Variants in FBN2 observed in about 807,000 individuals in gnomAD.
FBN2 encodes fibrillin 2.
A neutral mutation model predicts 355.6 loss-of-function variants in FBN2; 105 were observed. That is an observed-to-expected ratio of 0.30 (90% CI 0.25 to 0.35). FBN2 has a LOEUF of 0.35. Among genes scored for constraint, FBN2 ranks in the 10% least tolerant of loss-of-function variants. The pLI, the probability that FBN2 is intolerant of heterozygous loss-of-function variation, is 1.00. For synonymous variants in FBN2, 1,350 were observed against 1,301.2 expected, an observed-to-expected ratio of 1.04 and a Z score of -0.81; for missense variants, 3,280 against 3,758.7, an observed-to-expected ratio of 0.87 and a Z score of 3.33.
At chr5:128,291,322 T>G (rs910037077) in intron 49 of FBN2, among the ~76,000 whole-genome samples, 2 of 152,164 alleles carry the variant, frequency 1.3e-5, no homozygotes, top group African/African-American at 4.8e-5. Flanking sequence ...AGTAAAAAAA[T>G]TTATAAAAAT....
chr5:128,473,597 C>T (rs1476435585), intron 5 of FBN2, among the ~76,000 whole-genome samples: 1 of 152,204 alleles, frequency 6.6e-6, no homozygotes, highest in East Asian at 1.9e-4. Context: ...TATGTTCCTT[C>T]ACCCCAACAC....
At chr5:128,358,658 A>G (rs569925119) in intron 19 of FBN2, among the ~76,000 whole-genome samples, 19 of 152,244 alleles carry the variant, frequency 1.2e-4, no homozygotes, top group African/African-American at 4.1e-4. Flanking sequence ...AATATAGCAC[A>G]GATTTCTAAT....
Position 128,274,614 on chromosome 5 carries a change from G to C in FBN2, c.7664C>G (p.Thr2555Ser). The C allele has an allele frequency of 3.7e-6, 6 of 1,613,172 alleles. No individual in the cohort carries two copies. Among genetic ancestry groups the C allele is most frequent in the Non-Finnish European group, 5.1e-6 (6 of 1,179,150 alleles). The change falls in exon 60 of 65, where the codon ACC (threonine) becomes AGC (serine). Residue 2555 changes from threonine to serine, a missense_variant. Physicochemically the swap from Thr to Ser is moderately conservative, Grantham distance 58. Coordinates refer to ENST00000262464, the MANE Select transcript of FBN2 (RefSeq NM_001999.4). ...TGTGAAACCAGGTGGACATTTACAG[G>C]TAAACCCCCCCAGGGTGTTGACACA... ...FLCVNTLGGFTCKCPPGFTQH... is the reference protein window; with the variant it reads ...FLCVNTLGGFSCKCPPGFTQH...
At position 128,361,769 on chromosome 5, in the gene FBN2, C is replaced by A. The variant is rs372872626; in HGVS notation, c.2508G>T (p.Thr836=). The A allele has an allele frequency of 6.2e-7, 1 of 1,614,090 alleles. No individual in the cohort carries two copies. Among genetic ancestry groups the A allele is most frequent in the South Asian group, 1.1e-5 (1 of 91,084 alleles). Residue 836 remains threonine (T), a synonymous_variant, in exon 19 of 65, where the codon ACG becomes ACT. Coordinates refer to ENST00000262464, the MANE Select transcript of FBN2 (RefSeq NM_001999.4). ...CRNTPGSYSC[T]CPPGYVFRTE... ...TCCTGAACACATACCCTGGTGGGCA[C>A]GTACAGCTGTAACTTCCTGGCGTGT... is the stretch of plus-strand genomic sequence containing the variant.
At chr5:128,491,229 A>G (rs992919809) in intron 5 of FBN2, among the ~76,000 whole-genome samples, 6 of 152,226 alleles carry the variant, frequency 3.9e-5, no homozygotes, top group African/African-American at 1.2e-4. Flanking sequence ...ACTGGCTTTT[A>G]AAAGCTTGAA....
chr5:128,366,386 C>T lies in FBN2; in HGVS notation c.2293G>A (p.Asp765Asn). 1 of 1,592,628 alleles carries T rather than the reference C, an allele frequency of 6.3e-7. No individual in the cohort carries two copies. Among genetic ancestry groups the T allele is most frequent in the Non-Finnish European group, 8.6e-7 (1 of 1,162,186 alleles). The change falls in exon 17 of 65, where the codon GAT becomes AAT. Residue 765 changes from aspartate to asparagine, a missense_variant. Coordinates refer to ENST00000262464, the MANE Select transcript of FBN2 (RefSeq NM_001999.4). ...GATTAACTAGAGTTACCTCTTCCAT[C>T]CACAGTGATACCTACTCCACTACTA... The part of the protein sequence containing the change: ...LCSSGVGITV[D>N]GRDINECALD...
chr5:128,319,257 T>C (rs1750299993), intron 34 of FBN2, among the ~76,000 whole-genome samples: 1 of 152,052 alleles, frequency 6.6e-6, no homozygotes. Flanking sequence ...GATTATGATA[T>C]ACTTAAAGAA....
intron 7 of FBN2, among the ~76,000 whole-genome samples, chr5:128,419,877 T>TAAA (rs1753301588): frequency 2.6e-5 from 4 of 152,264 alleles, no homozygotes; most frequent in South Asian, 2.1e-4. Context: ...GTATTTTTAG[T>TAAA]AGAGATGAGG....
chr5:128,290,106 C>T (rs1749279864), intron 50 of FBN2, among the ~76,000 whole-genome samples, 159 bp from the exon 51 acceptor site: 1 of 152,156 alleles, frequency 6.6e-6, no homozygotes, highest in South Asian at 2.1e-4. Flanking sequence ...ATTTCAAAAG[C>T]ATATTTAGTG....
intron 15 of FBN2, among the ~76,000 whole-genome samples, chr5:128,369,808 G>C (rs1751884448): frequency 6.6e-6 from 1 of 152,142 alleles, no homozygotes; most frequent in Admixed American, 6.5e-5. Flanking sequence ...GAGTTAGGAG[G>C]CCTTTCTTTT....
intron 63 of FBN2, 101 bp downstream of exon 63, chr5:128,263,313 GCTTTTGCGGTT>G: frequency 1.2e-6 from 1 of 811,120 alleles, no homozygotes; most frequent in Non-Finnish European, 2.2e-6. Context: ...TCTAATCAAT[GCTTTTGCGGTT>G]TGGCTTTTAG....
chr5:128,265,206 C>A (rs1479211249), intron 62 of FBN2, among the ~76,000 whole-genome samples: 1 of 152,116 alleles, frequency 6.6e-6, no homozygotes, highest in African/African-American at 2.4e-5. Context: ...ATAATTAGAT[C>A]TGACATTCCT....
At chr5:128,321,571 C>A (rs1434363097) in intron 34 of FBN2, among the ~76,000 whole-genome samples, 2 of 152,174 alleles carry the variant, frequency 1.3e-5, no homozygotes, top group Non-Finnish European at 2.9e-5. Context: ...TCTTAGTTTG[C>A]TGAGAATGAT....
intron 19 of FBN2, among the ~76,000 whole-genome samples, chr5:128,360,598 G>C (rs1289527582): frequency 6.6e-6 from 1 of 151,072 alleles, no homozygotes; most frequent in Non-Finnish European, 1.5e-5. Flanking sequence ...GTTTTTTAGT[G>C]GCCCCTCTGA....
intron 7 of FBN2, 112 bp downstream of exon 7, chr5:128,446,369 G>T: frequency 9.0e-7 from 1 of 1,115,524 alleles, no homozygotes; most frequent in Non-Finnish European, 1.3e-6. Context: ...TGCTTTCATA[G>T]TAGATAAAGA....
In FBN2 at chr5:128,384,613, C is replaced by T. The variant is rs534763287; in HGVS notation, c.1604-5723G>A. ...TGTTGTGAACTCTGTGGCTGTTTTA[C>T]AGCATATCTTTAAGAGCTTCATTTT... On this transcript the variant is annotated intron_variant, in intron 11 of 64. Coordinates refer to ENST00000262464, the MANE Select transcript of FBN2 (RefSeq NM_001999.4). Among the ~76,000 whole-genome samples, 4 of 152,150 alleles carry T rather than the reference C, an allele frequency of 2.6e-5. No individual in the cohort carries two copies. In the South Asian group the frequency reaches 6.2e-4, roughly 24 times the overall value.
At chr5:128,407,519 C>T (rs530353607) in intron 8 of FBN2, among the ~76,000 whole-genome samples, 119 of 152,242 alleles carry the variant, frequency 7.8e-4, no homozygotes, top group Middle Eastern at 6.8e-3. Flanking sequence ...GCCTTACACA[C>T]GGTATGTGTA....
At chr5:128,317,571 C>T (rs1259615254) in intron 36 of FBN2, among the ~76,000 whole-genome samples, 2 of 152,104 alleles carry the variant, frequency 1.3e-5, no homozygotes, top group South Asian at 2.1e-4. Flanking sequence ...GAAAATTCTC[C>T]AGGCCATTTC....
At chr5:128,370,498 C>G (rs187561498) in intron 15 of FBN2, among the ~76,000 whole-genome samples, 29 of 152,274 alleles carry the variant, frequency 1.9e-4, no homozygotes, top group African/African-American at 7.0e-4. Flanking sequence ...CCAACCCCAT[C>G]CCTGAGGAGT....
Sources: allele counts gnomAD v4.1 joint callset (sites outside exome capture counted in the v4.1 genomes callset), GRCh38; gene constraint gnomAD v4.1.1; transcripts MANE v1.5; gene names NCBI Gene and HGNC (gene_info 2026-07-23, HGNC 2026-07-21).